The following POU6F2 variants were observed in gnomAD, a reference collection of about 807,000 sequenced individuals.
POU6F2 encodes POU domain, class 6, transcription factor 2.
POU6F2 carries 31 observed loss-of-function variants against 71.3 expected under a neutral mutation model. That is an observed-to-expected ratio of 0.43 (90% CI 0.33 to 0.59). POU6F2 has a LOEUF of 0.59. Among genes scored for constraint, POU6F2 ranks in the 20% least tolerant of loss-of-function variants. The pLI, the probability that POU6F2 is intolerant of heterozygous loss-of-function variation, is 0.04. For synonymous variants in POU6F2, 347 were observed against 355.7 expected, an observed-to-expected ratio of 0.98 and a Z score of 0.27; for missense variants, 783 against 856.8, an observed-to-expected ratio of 0.91 and a Z score of 1.07.
intron 1 of POU6F2, among the ~76,000 whole-genome samples, chr7:39,025,115 G>T (rs200093728): frequency 6.6e-6 from 1 of 151,616 alleles, no homozygotes; most frequent in South Asian, 2.1e-4. Context: ...GTAGAATTTG[G>T]CTGTGAATCC....
Position 39,194,036 on chromosome 7 carries a change from G to C in POU6F2, c.278-10199G>C, listed in dbSNP as rs544607387. Among the ~76,000 whole-genome samples the C allele has an allele frequency of 1.4e-4, 21 of 152,312 alleles. No individual in the cohort carries two copies. In the South Asian group the frequency reaches 4.0e-3, roughly 29 times the overall value. On this transcript the variant is annotated intron_variant, in intron 2 of 9. Transcript: ENST00000518318. Reference sequence around the variant, plus strand: ...TATATTTTTGTCTCTTAAAAATAAGGATTAAGGGAAGAAAGGAATTCTTTA... The same window carrying C: ...TATATTTTTGTCTCTTAAAAATAAGCATTAAGGGAAGAAAGGAATTCTTTA...
chr7:39,105,145 A>G (rs2128724421), intron 2 of POU6F2, among the ~76,000 whole-genome samples: 1 of 152,302 alleles, frequency 6.6e-6, no homozygotes, highest in Admixed American at 6.5e-5. Context: ...CTTATGATAG[A>G]CCTTTGGTTA....
chr7:39,213,344 G>T (rs946381061), intron 4 of POU6F2, among the ~76,000 whole-genome samples: 1 of 152,168 alleles, frequency 6.6e-6, no homozygotes, highest in Non-Finnish European at 1.5e-5. Context: ...GGAATAGTTT[G>T]GGGATTAGGG....
At chr7:39,390,989 TG>T (rs1787064786) in intron 5 of POU6F2, among the ~76,000 whole-genome samples, 1 of 152,176 alleles carries the variant, frequency 6.6e-6, no homozygotes, top group African/African-American at 2.4e-5. Context: ...GAGCAAACCC[TG>T]GGACTAGGGT....
intron 2 of POU6F2, among the ~76,000 whole-genome samples, chr7:39,105,745 G>T (rs1253075598): frequency 6.6e-6 from 1 of 152,198 alleles, no homozygotes; most frequent in Admixed American, 6.5e-5. Context: ...GCCAGACGAA[G>T]AAGTTTTTAT....
At chr7:39,130,091 T>A (rs112816661) in intron 2 of POU6F2, among the ~76,000 whole-genome samples, 3,427 of 118,544 alleles carry the variant, frequency 0.029, 66 homozygotes, top group African/African-American at 0.046. Context: ...AAAAAAAAAA[T>A]TTCACAGCAT....
At chr7:39,006,807 T>C (rs760632371) in intron 1 of POU6F2, 3 of 1,607,520 alleles carry the variant, frequency 1.9e-6, no homozygotes, top group Non-Finnish European at 2.6e-6. Flanking sequence ...ACTGTCAAGA[T>C]GCTGAAAGAA....
At chr7:39,187,510 G>T (rs1274789131) in intron 2 of POU6F2, among the ~76,000 whole-genome samples, 1 of 152,250 alleles carries the variant, frequency 6.6e-6, no homozygotes, top group African/African-American at 2.4e-5. Flanking sequence ...CAGAGCAGAG[G>T]CATGCAGCTA....
intron 2 of POU6F2, among the ~76,000 whole-genome samples, chr7:39,130,769 A>G (rs930670310): frequency 3.3e-5 from 5 of 152,256 alleles, no homozygotes; most frequent in South Asian, 4.1e-4. Context: ...TTTGGATGCT[A>G]AGTAGAGTCT....
intron 4 of POU6F2, among the ~76,000 whole-genome samples, chr7:39,279,740 T>TTTTA (rs139796675): frequency 0.13 from 20,237 of 151,508 alleles, 1,341 homozygotes; most frequent in East Asian, 0.15. Context: ...TTCCCTTTTA[T>TTTTA]TTTATTTATT....
intron 4 of POU6F2, among the ~76,000 whole-genome samples, chr7:39,273,359 T>C (rs1430939037): frequency 6.6e-6 from 1 of 152,224 alleles, no homozygotes. Flanking sequence ...GTGGATGTCA[T>C]GTACCCTCTG....
At chr7:39,455,340 G>A (rs918787873) in intron 8 of POU6F2, among the ~76,000 whole-genome samples, 6 of 152,108 alleles carry the variant, frequency 3.9e-5, no homozygotes, top group Admixed American at 3.3e-4. Flanking sequence ...AAAGTTGCAT[G>A]CTGATGGCAT....
chr7:39,378,703 T>G (rs1049649566), intron 5 of POU6F2, among the ~76,000 whole-genome samples: 1 of 152,232 alleles, frequency 6.6e-6, no homozygotes, highest in African/African-American at 2.4e-5. Flanking sequence ...TTGGTTATCA[T>G]CCTTGCAACT....
intron 1 of POU6F2, among the ~76,000 whole-genome samples, chr7:38,998,336 G>C (rs1229066775): frequency 6.6e-6 from 1 of 152,170 alleles, no homozygotes; most frequent in Non-Finnish European, 1.5e-5. Context: ...AGTTTCAGCT[G>C]TCCTATGCGA....
intron 7 of POU6F2, among the ~76,000 whole-genome samples, chr7:39,440,563 T>C (rs1397152928): frequency 5.9e-5 from 9 of 152,220 alleles, no homozygotes; most frequent in Non-Finnish European, 1.2e-4. Context: ...TCTAAACTGG[T>C]TATGCTAGTT....
intron 2 of POU6F2, among the ~76,000 whole-genome samples, chr7:39,159,608 A>G (rs1792948062): frequency 6.6e-6 from 1 of 152,196 alleles, no homozygotes; most frequent in African/African-American, 2.4e-5. Flanking sequence ...CTCTGTGCAA[A>G]GCACCTCAGG....
intron 1 of POU6F2, among the ~76,000 whole-genome samples, chr7:39,012,696 G>A (rs1177630492): frequency 6.6e-6 from 1 of 152,036 alleles, no homozygotes; most frequent in Non-Finnish European, 1.5e-5. Context: ...TGTACAGATG[G>A]GTTTTTGGTG....
chr7:39,108,969 A>G (rs1308566837), intron 2 of POU6F2, among the ~76,000 whole-genome samples: 2 of 152,230 alleles, frequency 1.3e-5, no homozygotes, highest in Non-Finnish European at 2.9e-5. Flanking sequence ...AACAACAACA[A>G]AAACTTATTG....
chr7:39,278,046 C>G (rs972980302), intron 4 of POU6F2, among the ~76,000 whole-genome samples: 17 of 138,326 alleles, frequency 1.2e-4, no homozygotes, highest in African/African-American at 4.0e-4. Flanking sequence ...TGCACTCTAG[C>G]CTGGCGACAG....
Sources: allele counts gnomAD v4.1 joint callset (sites outside exome capture counted in the v4.1 genomes callset), GRCh38; gene constraint gnomAD v4.1.1; transcripts MANE v1.5; gene names NCBI Gene and HGNC (gene_info 2026-07-23, HGNC 2026-07-21).